Variants in GRIA2 observed in about 807,000 individuals in gnomAD.
The protein encoded by GRIA2 is glutamate ionotropic receptor AMPA type subunit 2.
In GRIA2, 14 loss-of-function variants were observed where a neutral mutation model predicts 97.3. That is an observed-to-expected ratio of 0.14 (90% CI 0.10 to 0.23). The LOEUF (loss-of-function observed/expected upper bound fraction) is 0.23. Among genes scored for constraint, GRIA2 ranks in the 10% least tolerant of loss-of-function variants. The pLI is 1.00. For synonymous variants in GRIA2, 412 were observed against 387.8 expected, an observed-to-expected ratio of 1.06 and a Z score of -0.73; for missense variants, 558 against 1,069.8, an observed-to-expected ratio of 0.52 and a Z score of 6.67.
chr4:157,304,208 G>A (rs554004632), intron 3 of GRIA2, among the ~76,000 whole-genome samples: 2 of 152,262 alleles, frequency 1.3e-5, no homozygotes, highest in East Asian at 3.9e-4. Context: ...CAGGCAGGTA[G>A]CATTATTATT....
intron 2 of GRIA2, among the ~76,000 whole-genome samples, chr4:157,256,266 CAT>C (rs1383845592): frequency 9.5e-6 from 1 of 104,850 alleles, no homozygotes; most frequent in Non-Finnish European, 2.0e-5. Flanking sequence ...TTATATATTA[CAT>C]ATATATGTTA....
chr4:157,360,278 T>G, intron 13 of GRIA2, 135 bp downstream of exon 13: 5 of 805,608 alleles, frequency 6.2e-6, no homozygotes, highest in Non-Finnish European at 9.7e-6. Flanking sequence ...CAAAAAACGT[T>G]TCTGAATGTT....
At chr4:157,321,642 G>T in intron 6 of GRIA2, 43 bp downstream of exon 6, 1 of 1,405,936 alleles carries the variant, frequency 7.1e-7, no homozygotes, top group Non-Finnish European at 9.9e-7. Flanking sequence ...TCATATGTGA[G>T]GAGAGAGAAG....
intron 2 of GRIA2, among the ~76,000 whole-genome samples, chr4:157,289,344 C>A (rs758188612): frequency 7.3e-5 from 11 of 151,674 alleles, no homozygotes; most frequent in Non-Finnish European, 1.3e-4. Flanking sequence ...GCATCAGTGC[C>A]CCCAAATGTT....
Position 157,365,000 on chromosome 4 carries a change from T to G in GRIA2, c.*1569T>G, listed in dbSNP as rs1736821816. 1 of 151,688 alleles carries G rather than the reference T, an allele frequency of 6.6e-6. No homozygotes were observed. The highest frequency in any genetic ancestry group is 2.4e-5 in the African/African-American group (1 of 41,410). The allele number at this position is 151,688 out of a possible 1,614,324, so 9.4% of individuals were successfully genotyped here. ...TTATTTCCATTAAAGCCCCCCAAGT[T>G]TAATTAATTTAGGATTTTGAATGAT... On this transcript the variant is annotated 3_prime_UTR_variant, in exon 16 of 16. Coordinates refer to ENST00000264426, the MANE Select transcript of GRIA2 (RefSeq NM_001083619.3).
At chr4:157,325,237 A>T (rs542643137) in intron 6 of GRIA2, among the ~76,000 whole-genome samples, 103 of 152,312 alleles carry the variant, frequency 6.8e-4, no homozygotes, top group Non-Finnish European at 1.2e-3. Context: ...TAAAATGTAA[A>T]TAAGGTTTAA....
Position 157,363,578 on chromosome 4 carries a change from C to T in GRIA2, c.*147C>T. 8.1e-7 allele frequency: 1 copy of T among 1,233,826 alleles called. No homozygotes were observed. The highest frequency in any genetic ancestry group is 1.0e-6 in the Non-Finnish European group (1 of 987,696). The allele number at this position is 1,233,826 out of a possible 1,614,324, so 76.4% of individuals were successfully genotyped here. On this transcript the variant is annotated 3_prime_UTR_variant, in exon 16 of 16. Coordinates refer to ENST00000264426, the MANE Select transcript of GRIA2 (RefSeq NM_001083619.3). ...TGAGTCCTGGCATGGGAATGAATGT[C>T]AGTGTGACTGATCTCTCGTGATTGA...
intron 2 of GRIA2, among the ~76,000 whole-genome samples, chr4:157,289,950 G>A (rs1044649772): frequency 1.3e-5 from 2 of 151,704 alleles, no homozygotes; most frequent in African/African-American, 4.8e-5. Flanking sequence ...GACTGCCTGG[G>A]TTCAAATTTC....
chr4:157,356,013 A>T (rs1377341593), intron 12 of GRIA2, among the ~76,000 whole-genome samples: 3 of 106,124 alleles, frequency 2.8e-5, no homozygotes, highest in Admixed American at 1.4e-4. Context: ...ATATGTATTT[A>T]TATATATTTA....
chr4:157,299,973 A>G (rs952813908), intron 2 of GRIA2, among the ~76,000 whole-genome samples: 1 of 152,140 alleles, frequency 6.6e-6, no homozygotes, highest in African/African-American at 2.4e-5. Context: ...ATGAGGATTC[A>G]TGTTTCTTTC....
chr4:157,338,008 GTATATATATATATATA>G lies in GRIA2; in HGVS notation c.1844+1288_1844+1303del, dbSNP rs70958818. On this transcript the variant is annotated intron_variant, in intron 11 of 15. Transcript: ENST00000264426. ...ATGACATATGTGTGTATATATATGT[GTATATATATATATATA>G]TATATATATATATATATATATATAT... is the stretch of plus-strand genomic sequence containing the variant. Among the ~76,000 whole-genome samples the G allele has an allele frequency of 6.9e-4, 55 of 79,326 alleles. 1 individual carries two copies. Among genetic ancestry groups the G allele is most frequent in the African/African-American group, 2.1e-3 (43 of 20,142 alleles). The allele number at this position is 79,326 out of a possible 152,430, so 52.0% of individuals were successfully genotyped here. A position where few individuals can be genotyped will look rare whatever the true frequency, so the allele number is the denominator to read the frequency against.
At chr4:157,300,452 G>A (rs1463620227) in intron 2 of GRIA2, among the ~76,000 whole-genome samples, 4 of 152,048 alleles carry the variant, frequency 2.6e-5, no homozygotes, top group Non-Finnish European at 5.9e-5. Flanking sequence ...TTGATTCCTG[G>A]CTGTAAATCT....
At position 157,341,372 on chromosome 4, in the gene GRIA2, G is replaced by T; in HGVS notation, c.1953G>T (p.Val651=). 6.2e-7 allele frequency: 1 copy of T among 1,611,360 alleles called. No individual in the cohort carries two copies. Among genetic ancestry groups the T allele is most frequent in the Non-Finnish European group, 8.5e-7 (1 of 1,177,654 alleles). Residue 651 remains valine (V), a synonymous_variant, in exon 12 of 16, where the codon GTG becomes GTT. Transcript: ENST00000264426. ...LAAFLTVERM[V]SPIESAEDLS... is the part of the protein sequence containing the mutation. The stretch of plus-strand genomic sequence containing the variant: ...CCTTCCTGACTGTAGAGAGGATGGT[G>T]TCTCCCATCGAAAGTGCTGAGGATC...
intron 2 of GRIA2, among the ~76,000 whole-genome samples, chr4:157,291,129 T>G (rs1733080306): frequency 6.6e-6 from 1 of 151,946 alleles, no homozygotes; most frequent in Non-Finnish European, 1.5e-5. Context: ...TATCATCTGC[T>G]CATTCCAATT....
intron 9 of GRIA2, chr4:157,334,512 C>T (rs749869639): frequency 6.2e-6 from 1 of 160,212 alleles, no homozygotes; most frequent in African/African-American, 2.4e-5. Flanking sequence ...TTTATTCTAT[C>T]TAATGAAAGA....
At chr4:157,230,728 G>A (rs1251356085) in intron 2 of GRIA2, among the ~76,000 whole-genome samples, 1 of 152,022 alleles carries the variant, frequency 6.6e-6, no homozygotes, top group African/African-American at 2.4e-5. Context: ...AGCTACTATA[G>A]AACAGTGAAT....
At chr4:157,360,812 T>A in intron 13 of GRIA2, 198 bp from the exon 14 acceptor site, 2 of 651,114 alleles carry the variant, frequency 3.1e-6, no homozygotes, top group Non-Finnish European at 5.7e-6. Flanking sequence ...TATTTTCTTT[T>A]TGTTATGCTC....
In GRIA2 at chr4:157,338,208, C is replaced by A. The variant is rs546994102; in HGVS notation, c.1844+1461C>A. 1.6e-3 allele frequency among the ~76,000 whole-genome samples: 248 copies of A among 151,210 alleles called. 4 individuals carry two copies. Among genetic ancestry groups the A allele is most frequent in the African/African-American group, 5.8e-3 (239 of 41,188 alleles). On this transcript the variant is annotated intron_variant, in intron 11 of 15. Transcript: ENST00000264426. ...ATTGGGGTCTCGGAGAACATTCTGA[C>A]CCATAAAATGATAAAGAAGTGGTTC...
chr4:157,275,573 A>G (rs1237751988), intron 2 of GRIA2, among the ~76,000 whole-genome samples: 2 of 152,186 alleles, frequency 1.3e-5, no homozygotes, highest in African/African-American at 2.4e-5. Flanking sequence ...ATCCAGTTTC[A>G]GCTTTTTACA....
Sources: allele counts gnomAD v4.1 joint callset (sites outside exome capture counted in the v4.1 genomes callset), GRCh38; gene constraint gnomAD v4.1.1; transcripts MANE v1.5; gene names NCBI Gene and HGNC (gene_info 2026-07-23, HGNC 2026-07-21).